Variants in BRINP3 observed in about 807,000 individuals in gnomAD.
BRINP3 encodes BMP/retinoic acid-inducible neural-specific protein 3.
A neutral mutation model predicts 71.0 loss-of-function variants in BRINP3; 19 were observed. That is an observed-to-expected ratio of 0.27 (90% CI 0.19 to 0.39). BRINP3 has a LOEUF of 0.39. Among genes scored for constraint, BRINP3 ranks in the 10% least tolerant of loss-of-function variants. The probability of loss-of-function intolerance (pLI) is 1.00; values close to 1 mark genes in which losing one functional copy is unlikely to be tolerated. For missense variants in BRINP3, 959 were observed against 940.8 expected (o/e 1.02, Z -0.25); for synonymous variants, 380 against 337.7 (o/e 1.13, Z -1.37).
chr1:190,149,497 T>C (rs1437262040), intron 7 of BRINP3, among the ~76,000 whole-genome samples: 3 of 152,172 alleles, frequency 2.0e-5, no homozygotes, highest in Non-Finnish European at 4.4e-5. Flanking sequence ...AGAAAAATCA[T>C]GTATTTAGAT....
At chr1:190,204,703 C>T (rs1158866527) in intron 6 of BRINP3, among the ~76,000 whole-genome samples, 2 of 151,968 alleles carry the variant, frequency 1.3e-5, no homozygotes, top group Non-Finnish European at 2.9e-5. Context: ...AATATATTTT[C>T]TAACATTAAA....
At chr1:190,140,459 T>C (rs1269334975) in intron 7 of BRINP3, among the ~76,000 whole-genome samples, 4 of 152,118 alleles carry the variant, frequency 2.6e-5, no homozygotes, top group Non-Finnish European at 4.4e-5. Flanking sequence ...AACCACACTG[T>C]ATGAAAATGT....
At chr1:190,370,025 T>C (rs1316988591) in intron 2 of BRINP3, among the ~76,000 whole-genome samples, 1 of 152,164 alleles carries the variant, frequency 6.6e-6, no homozygotes, top group African/African-American at 2.4e-5. Flanking sequence ...CTCCTCAGCC[T>C]GCCAGAATGA....
At chr1:190,365,689 C>T (rs1380815029) in intron 2 of BRINP3, among the ~76,000 whole-genome samples, 1 of 143,372 alleles carries the variant, frequency 7.0e-6, no homozygotes, top group Non-Finnish European at 1.5e-5. Context: ...CAATATAATA[C>T]ACAATATAAT....
intron 7 of BRINP3, among the ~76,000 whole-genome samples, chr1:190,141,139 T>C (rs1655398622): frequency 6.6e-6 from 1 of 152,158 alleles, no homozygotes; most frequent in African/African-American, 2.4e-5. Context: ...GGTTTTCTAA[T>C]TTGAATGTTA....
At chr1:190,412,408 T>TAC (rs1172337691) in intron 2 of BRINP3, among the ~76,000 whole-genome samples, 1 of 141,632 alleles carries the variant, frequency 7.1e-6, no homozygotes, top group Non-Finnish European at 1.6e-5. Flanking sequence ...TATATATATA[T>TAC]ATATATACAC....
At chr1:190,321,974 T>C (rs906470334) in intron 2 of BRINP3, among the ~76,000 whole-genome samples, 6 of 152,048 alleles carry the variant, frequency 3.9e-5, no homozygotes, top group Admixed American at 3.3e-4. Flanking sequence ...AATGAAATGA[T>C]TTTTAAAACT....
intron 6 of BRINP3, among the ~76,000 whole-genome samples, chr1:190,177,329 A>AT (rs11307442): frequency 0.021 from 2,070 of 98,710 alleles, 54 homozygotes; most frequent in East Asian, 0.09. Flanking sequence ...TGCCTGGATA[A>AT]TTTTTTTTTT....
intron 2 of BRINP3, among the ~76,000 whole-genome samples, chr1:190,339,086 C>T (rs1212342017): frequency 2.6e-5 from 4 of 151,598 alleles, no homozygotes; most frequent in African/African-American, 9.7e-5. Context: ...AGTGCAGAAA[C>T]TAGGCAGCAC....
At chr1:190,231,620 T>G (rs1657998937) in intron 5 of BRINP3, among the ~76,000 whole-genome samples, 1 of 151,878 alleles carries the variant, frequency 6.6e-6, no homozygotes, top group African/African-American at 2.4e-5. Flanking sequence ...ATTGAAGTAT[T>G]ATTTCAATAT....
At chr1:190,211,536 A>T (rs1019401833) in intron 6 of BRINP3, among the ~76,000 whole-genome samples, 17 of 152,262 alleles carry the variant, frequency 1.1e-4, no homozygotes, top group Non-Finnish European at 1.9e-4. Flanking sequence ...ATCAGGATAT[A>T]ATATGATAGG....
chr1:190,157,735 T>C (rs1656991774), intron 7 of BRINP3, among the ~76,000 whole-genome samples: 1 of 152,030 alleles, frequency 6.6e-6, no homozygotes, highest in Non-Finnish European at 1.5e-5. Context: ...ATATTAAATA[T>C]CTTATTTGTG....
At chr1:190,405,697 T>C (rs1336655508) in intron 2 of BRINP3, among the ~76,000 whole-genome samples, 1 of 152,028 alleles carries the variant, frequency 6.6e-6, no homozygotes, top group Non-Finnish European at 1.5e-5. Flanking sequence ...TATTCTGAAA[T>C]AAAGCAAAAA....
At chr1:190,121,205 A>T (rs1365466713) in intron 7 of BRINP3, among the ~76,000 whole-genome samples, 1 of 152,218 alleles carries the variant, frequency 6.6e-6, no homozygotes, top group Non-Finnish European at 1.5e-5. Context: ...GGTTAAGAGC[A>T]GACTGCCACT....
intron 2 of BRINP3, among the ~76,000 whole-genome samples, chr1:190,413,111 C>A (rs1672796133): frequency 6.6e-6 from 1 of 152,046 alleles, no homozygotes; most frequent in Non-Finnish European, 1.5e-5. Flanking sequence ...ATATTCAAAT[C>A]CTTTTATAAA....
At chr1:190,442,182 T>G (rs1293767658) in intron 2 of BRINP3, among the ~76,000 whole-genome samples, 1 of 152,214 alleles carries the variant, frequency 6.6e-6, no homozygotes, top group Non-Finnish European at 1.5e-5. Context: ...AAATTTGCTT[T>G]CATATAATGG....
At chr1:190,320,966 C>T (rs1030369640) in intron 2 of BRINP3, among the ~76,000 whole-genome samples, 22 of 150,560 alleles carry the variant, frequency 1.5e-4, no homozygotes, top group African/African-American at 3.2e-4. Flanking sequence ...TATATATATA[C>T]ACACACACAC....
intron 4 of BRINP3, among the ~76,000 whole-genome samples, chr1:190,261,447 T>G (rs938509573): frequency 3.3e-5 from 5 of 150,134 alleles, no homozygotes; most frequent in African/African-American, 1.2e-4. Context: ...TAACAAAGTA[T>G]AGTCTACATT....
At chr1:190,421,321 TA>T (rs1673369509) in intron 2 of BRINP3, among the ~76,000 whole-genome samples, 1 of 142,470 alleles carries the variant, frequency 7.0e-6, no homozygotes. Context: ...TTATTATTAT[TA>T]TTATTGCCAG....
Sources: allele counts gnomAD v4.1 joint callset (sites outside exome capture counted in the v4.1 genomes callset), GRCh38; gene constraint gnomAD v4.1.1; transcripts MANE v1.5; gene names NCBI Gene and HGNC (gene_info 2026-07-23, HGNC 2026-07-21).